Variants in PCDHGA8 observed in about 807,000 individuals in gnomAD.
PCDHGA8 encodes the protein protocadherin gamma subfamily A, 8.
In PCDHGA8, 45 loss-of-function variants were observed where a neutral mutation model predicts 59.2. That is an observed-to-expected ratio of 0.76 (90% CI 0.60 to 0.98). The LOEUF (loss-of-function observed/expected upper bound fraction) is 0.98. Ranked by LOEUF, PCDHGA8 falls within the 50% of genes least tolerant of loss-of-function variation. PCDHGA8 has a pLI of 0.00. For synonymous variants in PCDHGA8, 531 were observed against 519.0 expected (o/e 1.02, Z -0.32); for missense variants, 1,257 against 1,196.2 (o/e 1.05, Z -0.75).
In PCDHGA8 at chr5:141,487,494, C is replaced by T. The variant is rs116370895; in HGVS notation, c.2425-7313C>T. 12 of 1,614,120 alleles carry T rather than the reference C, an allele frequency of 7.4e-6. No individual in the cohort carries two copies. The East Asian group carries it at 1.1e-4, about 15-fold the overall frequency. On this transcript the variant is annotated intron_variant, in intron 1 of 3. Transcript: ENST00000398604. The surrounding 1 kb of genome is among the most constrained non-coding windows in gnomAD (Gnocchi z 5.0). Reference sequence around the variant, plus strand: ...GGAGGCCACTCTCATGGCTGTACACCCTTGGCTTCTGCACCCACTCGGAGT... The same window carrying T: ...GGAGGCCACTCTCATGGCTGTACACTCTTGGCTTCTGCACCCACTCGGAGT...
chr5:141,432,088 AGACACCAAC>A lies in PCDHGA8; in HGVS notation c.2424+36856_2424+36864del, dbSNP rs1561857611. 6.2e-7 allele frequency: 1 copy of A among 1,614,148 alleles called. No individual in the cohort carries two copies. Among genetic ancestry groups the A allele is most frequent in the Admixed American group, 1.7e-5 (1 of 60,024 alleles). ...AAACTCATATCTCGCTGAACGTGGC[AGACACCAAC>A]GACAACCCGCCGGTCTTCCCTCAGG... is the stretch of plus-strand genomic sequence containing the variant. On this transcript the variant is annotated intron_variant, in intron 1 of 3. Transcript: ENST00000398604. This position sits in a 1 kb window ranked among gnomAD's most constrained non-coding sequence, Gnocchi z 6.0.
rs201073884 is a variant in PCDHGA8 at position 141,486,264 on chromosome 5, A to C, written c.2425-8543A>C. On this transcript the variant is annotated intron_variant, in intron 1 of 3. Coordinates refer to ENST00000398604, the MANE Select transcript of PCDHGA8 (RefSeq NM_032088.2). This position sits in a 1 kb window ranked among gnomAD's most constrained non-coding sequence, Gnocchi z 5.0. The stretch of plus-strand genomic sequence containing the variant: ...CTTGGAACCCTCCCCGAGAGTGCAG[A>C]ACCTGGCACTGTGGTGGCACTTATC... 8 of 1,614,032 alleles carry C rather than the reference A, an allele frequency of 5.0e-6. No individual in the cohort carries two copies. The East Asian group carries it at 1.6e-4, about 31-fold the overall frequency.
intron 1 of PCDHGA8, among the ~76,000 whole-genome samples, chr5:141,459,098 A>G (rs993134478): frequency 2.0e-5 from 3 of 152,206 alleles, no homozygotes; most frequent in African/African-American, 7.2e-5. Flanking sequence ...ATACAGTGCA[A>G]TGCATTTTGA....
intron 1 of PCDHGA8, chr5:141,478,198 ACTT>A (rs2099438516): frequency 1.2e-6 from 2 of 1,613,746 alleles, no homozygotes; most frequent in African/African-American, 1.3e-5. Context: ...CCTTTTATCT[ACTT>A]CTTTCTCTAA....
intron 1 of PCDHGA8, chr5:141,414,156 T>TCTC (rs1462369810): frequency 6.2e-7 from 1 of 1,601,848 alleles, no homozygotes; most frequent in Admixed American, 1.7e-5. Flanking sequence ...AAGCAGAAGA[T>TCTC]GGAGGAGCAT....
At chr5:141,399,785 A>G (rs748714301) in intron 1 of PCDHGA8, 6 of 1,613,294 alleles carry the variant, frequency 3.7e-6, no homozygotes, top group South Asian at 1.1e-5. Context: ...GACCGAAACG[A>G]CAACGCACCG....
chr5:141,457,413 A>C (rs939244132), intron 1 of PCDHGA8, among the ~76,000 whole-genome samples: 6 of 152,142 alleles, frequency 3.9e-5, no homozygotes, highest in Non-Finnish European at 5.9e-5. Flanking sequence ...CACATTACCC[A>C]TCCCTTTTTC....
chr5:141,478,199 C>G, intron 1 of PCDHGA8: 1 of 1,614,056 alleles, frequency 6.2e-7, no homozygotes, highest in Non-Finnish European at 8.5e-7. Flanking sequence ...CTTTTATCTA[C>G]TTCTTTCTCT....
intron 1 of PCDHGA8, chr5:141,413,487 G>A (rs1190400492): frequency 1.9e-6 from 3 of 1,613,928 alleles, no homozygotes; most frequent in African/African-American, 2.7e-5. Context: ...CTCAGAGCGC[G>A]CGGTGCGTGG....
In PCDHGA8 at chr5:141,432,961, A is replaced by T. The variant is rs1457416543; in HGVS notation, c.2424+37724A>T. The T allele has an allele frequency of 1.5e-5, 25 of 1,613,952 alleles. 1 individual carries two copies. The South Asian group carries it at 2.3e-4, about 15-fold the overall frequency. ...AGGCTTCAGGAGGCGGCTTGACAGG[A>T]GCGCCGGCGTCGCACTTTGTGGGCG... On this transcript the variant is annotated intron_variant, in intron 1 of 3. Coordinates refer to ENST00000398604, the MANE Select transcript of PCDHGA8 (RefSeq NM_032088.2). This position sits in a 1 kb window ranked among gnomAD's most constrained non-coding sequence, Gnocchi z 6.0.
At chr5:141,416,589 TTA>T (rs1386515449) in intron 1 of PCDHGA8, 2 of 151,996 alleles carry the variant, frequency 1.3e-5, no homozygotes, top group African/African-American at 4.8e-5. Context: ...CAAAATAAAC[TTA>T]GAGTCAAGAA....
chr5:141,407,497 G>GTTTTTTT (rs1554102286), intron 1 of PCDHGA8, among the ~76,000 whole-genome samples: 1 of 152,088 alleles, frequency 6.6e-6, no homozygotes, highest in African/African-American at 2.4e-5. Context: ...CTTTATTTCT[G>GTTTTTTT]TTTTTCTTAG....
chr5:141,480,951 G>A (rs924500955), intron 1 of PCDHGA8, among the ~76,000 whole-genome samples: 4 of 152,038 alleles, frequency 2.6e-5, no homozygotes, highest in Non-Finnish European at 2.9e-5. Flanking sequence ...AGGCTGAGGC[G>A]GAAGCATCAG....
At chr5:141,470,037 G>C (rs76537989) in intron 1 of PCDHGA8, among the ~76,000 whole-genome samples, 14 of 152,138 alleles carry the variant, frequency 9.2e-5, no homozygotes, top group Non-Finnish European at 1.5e-4. Flanking sequence ...GCTGAGGCGC[G>C]AGAACTGTTT....
chr5:141,489,729 C>T lies in PCDHGA8; in HGVS notation c.2425-5078C>T, dbSNP rs760195181. ...ACAGTGCCCAGGATCCGGATGTGGGCACCAATACTGTGAGCTTTTACACTC... is the reference window on the plus strand; with the variant it reads ...ACAGTGCCCAGGATCCGGATGTGGGTACCAATACTGTGAGCTTTTACACTC... On this transcript the variant is annotated intron_variant, in intron 1 of 3. Transcript: ENST00000398604. The surrounding 1 kb of genome is among the most constrained non-coding windows in gnomAD (Gnocchi z 4.5). 2.5e-6 allele frequency: 4 copies of T among 1,614,152 alleles called. No individual in the cohort carries two copies. The highest frequency in any genetic ancestry group is 2.2e-5 in the East Asian group (1 of 44,876).
chr5:141,430,952 C>G, intron 1 of PCDHGA8: 2 of 1,610,382 alleles, frequency 1.2e-6, no homozygotes, highest in African/African-American at 2.7e-5. Flanking sequence ...GCGCGGAGTC[C>G]GCATCATCCC....
In PCDHGA8 at chr5:141,510,834, G is replaced by A. The variant is rs1043468083; in HGVS notation, c.2573-113G>A. 49 of 1,581,762 alleles carry A rather than the reference G, an allele frequency of 3.1e-5. 1 individual carries two copies. The highest frequency in any genetic ancestry group is 4.0e-5 in the Non-Finnish European group (46 of 1,161,670). On this transcript the variant is annotated intron_variant, in intron 3 of 3. Coordinates refer to ENST00000398604, the MANE Select transcript of PCDHGA8 (RefSeq NM_032088.2). ...GACCCCTATATTCCCAGTGCTCAGC[G>A]TGGTCAAGGCCCAGGGTGCTGTATA...
chr5:141,500,467 C>T lies in PCDHGA8; in HGVS notation c.2484-4926C>T, dbSNP rs368360639. 6.6e-5 allele frequency among the ~76,000 whole-genome samples: 10 copies of T among 152,262 alleles called. No homozygotes were observed. In the South Asian group the frequency reaches 2.1e-3, roughly 32 times the overall value. ...CTCGTGATCCGCCCGCCTCGGCCTC[C>T]CAAAGTGCTGGGATTACAGGCGTGA... is the stretch of plus-strand genomic sequence containing the variant. On this transcript the variant is annotated intron_variant, in intron 2 of 3. Coordinates refer to ENST00000398604, the MANE Select transcript of PCDHGA8 (RefSeq NM_032088.2).
chr5:141,497,005 A>T (rs1249733879), intron 2 of PCDHGA8, among the ~76,000 whole-genome samples: 1 of 152,134 alleles, frequency 6.6e-6, no homozygotes, highest in Non-Finnish European at 1.5e-5. Context: ...GGCAGCCAAC[A>T]TGGTGAAACC....
Sources: gnomAD v4.1 joint callset for allele counts (sites outside exome capture counted in the v4.1 genomes callset) on GRCh38, gnomAD v4.1.1 for gene constraint, Gnocchi (gnomAD v3.1) non-coding constraint, MANE v1.5 for transcripts, NCBI Gene and HGNC (gene_info 2026-07-23, HGNC 2026-07-21) for gene names.